FAN1: variants seen among roughly 807,000 people sequenced by gnomAD.
FAN1 encodes the protein fanconi-associated nuclease 1.
In FAN1, 91 loss-of-function variants were observed where a neutral mutation model predicts 104.9. That is an observed-to-expected ratio of 0.87 (90% CI 0.73 to 1.03). The LOEUF (loss-of-function observed/expected upper bound fraction) is 1.03. Ranked by LOEUF, FAN1 falls within the 50% of genes least tolerant of loss-of-function variation. The pLI, the probability that FAN1 is intolerant of heterozygous loss-of-function variation, is 0.00. For missense variants in FAN1, 1,263 were observed against 1,239.9 expected (o/e 1.02, Z -0.28); for synonymous variants, 478 against 457.6 (o/e 1.04, Z -0.57).
chr15:30,928,351 A>C, intron 10 of FAN1: 3 of 1,319,118 alleles, frequency 2.3e-6, no homozygotes, highest in East Asian at 6.0e-5. Context: ...TTTGCCCTTA[A>C]GGCTCTGTAT....
At chr15:30,915,314 A>G (rs1452859667) in intron 5 of FAN1, among the ~76,000 whole-genome samples, 1 of 152,208 alleles carries the variant, frequency 6.6e-6, no homozygotes. Context: ...GAAGGGGGAT[A>G]GGGAAAGGTT....
rs923889353 is a variant in FAN1 at position 30,939,300 on chromosome 15, G to A, written c.*3+2041G>A. The stretch of plus-strand genomic sequence containing the variant: ...ACTAGAAATTTCACCCAGTGCATCA[G>A]CATCTGTGCGGCATTCCCTCAGCAC... On this transcript the variant is annotated intron_variant, in intron 14 of 14. Transcript: ENST00000362065. 3 of 985,332 alleles carry A rather than the reference G, an allele frequency of 3.0e-6. No individual in the cohort carries two copies. The African/African-American group carries it at 5.2e-5, about 17-fold the overall frequency. 61.0% of individuals were successfully genotyped at this position (985,332 alleles called of 1,614,324 possible). A position where few individuals can be genotyped will look rare whatever the true frequency, so the allele number is the denominator to read the frequency against.
intron 2 of FAN1, 60 bp from the exon 3 acceptor site, chr15:30,908,058 C>CTAAAGGTACATTTAA: frequency 7.2e-7 from 1 of 1,393,170 alleles, no homozygotes; most frequent in Non-Finnish European, 9.8e-7. Context: ...TACATTTATT[C>CTAAAGGTACATTTAA]ACCTTAGGTT....
intron 7 of FAN1, among the ~76,000 whole-genome samples, chr15:30,920,928 C>T (rs564725586): frequency 2.6e-5 from 4 of 152,282 alleles, no homozygotes; most frequent in African/African-American, 4.8e-5. Flanking sequence ...GGACTACAGG[C>T]GTGCGCCACC....
Position 30,925,304 on chromosome 15 carries a change from C to G in FAN1, c.2337+13C>G. 1 of 1,610,536 alleles carries G rather than the reference C, an allele frequency of 6.2e-7. No individual in the cohort carries two copies. The highest frequency in any genetic ancestry group is 8.5e-7 in the Non-Finnish European group (1 of 1,177,762). ...AGATGTGAAACACGTGAGGAAAGAG[C>G]CTGTGGGTGCTTTGGACTTAGGCGC... On this transcript the variant is annotated intron_variant, in intron 9 of 14. Coordinates refer to ENST00000362065, the MANE Select transcript of FAN1 (RefSeq NM_014967.5).
At chr15:30,918,453 G>A (rs1326645950) in intron 6 of FAN1, among the ~76,000 whole-genome samples, 158 bp downstream of exon 6, 1 of 152,196 alleles carries the variant, frequency 6.6e-6, no homozygotes, top group East Asian at 1.9e-4. Context: ...GAATGAAAGT[G>A]CTGTGTGAAA....
chr15:30,926,890 G>C, intron 10 of FAN1: 1 of 985,450 alleles, frequency 1.0e-6, no homozygotes, highest in Non-Finnish European at 1.2e-6. Flanking sequence ...AACTCTGGCT[G>C]CCAGGCTTTA....
chr15:30,928,153 C>T lies in FAN1; in HGVS notation c.2489-400C>T, dbSNP rs189270131. ...TCTTCAGGGGTGGCCCAGGGACCTC[C>T]GGCATCAGGGCCTGCATGGGGATTC... On this transcript the variant is annotated intron_variant, in intron 10 of 14. Coordinates refer to ENST00000362065, the MANE Select transcript of FAN1 (RefSeq NM_014967.5). The T allele has an allele frequency of 4.1e-5, 42 of 1,013,818 alleles. No individual in the cohort carries two copies. The East Asian group carries it at 2.0e-3, about 49-fold the overall frequency. The allele number at this position is 1,013,818 out of a possible 1,614,324, so 62.8% of individuals were successfully genotyped here.
At chr15:30,928,426 A>G in intron 10 of FAN1, 127 bp from the exon 11 acceptor site, 1 of 1,506,594 alleles carries the variant, frequency 6.6e-7, no homozygotes, top group South Asian at 1.3e-5. Context: ...TTCTGAATCT[A>G]AAATATTTCT....
chr15:30,941,884 G>A lies in FAN1; in HGVS notation c.*322G>A, dbSNP rs937444793. ...CACGTGGCAGAATAACACCGTGCAG[G>A]TTGGCGGGTTTGGAAAACCATTCTC... On this transcript the variant is annotated 3_prime_UTR_variant, in exon 15 of 15. Transcript: ENST00000362065. 4 of 1,613,928 alleles carry A rather than the reference G, an allele frequency of 2.5e-6. No homozygotes were observed. The Middle Eastern group carries it at 4.9e-4, about 199-fold the overall frequency.
intron 14 of FAN1, chr15:30,939,423 G>A (rs1012303358): frequency 1.0e-6 from 1 of 985,314 alleles, no homozygotes; most frequent in South Asian, 4.7e-5. Flanking sequence ...GACGGCAGAG[G>A]TGGTATAAGC....
chr15:30,920,466 TCTG>T (rs1446966909), intron 6 of FAN1, 76 bp from the exon 7 acceptor site: 2 of 906,358 alleles, frequency 2.2e-6, no homozygotes, highest in African/African-American at 3.4e-5. Flanking sequence ...AGGAATTCAG[TCTG>T]CTTTGTCACT....
At chr15:30,906,455 T>A in intron 2 of FAN1, 2 of 456,742 alleles carry the variant, frequency 4.4e-6, no homozygotes, top group Non-Finnish European at 8.8e-6. Context: ...AATACTAGTC[T>A]ATGCCTGAAG....
intron 13 of FAN1, among the ~76,000 whole-genome samples, chr15:30,935,121 A>G (rs2140966709): frequency 6.6e-6 from 1 of 152,080 alleles, no homozygotes; most frequent in Non-Finnish European, 1.5e-5. Flanking sequence ...GCTTGGGCAA[A>G]CACAGTGAGA....
At chr15:30,927,130 C>A (rs959616645) in intron 10 of FAN1, 2 of 911,866 alleles carry the variant, frequency 2.2e-6, no homozygotes, top group African/African-American at 3.6e-5. Context: ...GATCTCTTGA[C>A]CCCAGGAGGT....
intron 14 of FAN1, chr15:30,939,977 C>T (rs2062983472): frequency 1.0e-6 from 1 of 981,358 alleles, no homozygotes; most frequent in Non-Finnish European, 1.2e-6. Context: ...GAGACATTAT[C>T]AAATTTTAAA....
chr15:30,914,185 T>G, intron 5 of FAN1, 94 bp downstream of exon 5: 2 of 871,768 alleles, frequency 2.3e-6, no homozygotes, highest in Non-Finnish European at 3.6e-6. Flanking sequence ...GTAGAAACAT[T>G]AAGTCCACAG....
chr15:30,943,044 A>G lies in FAN1; in HGVS notation c.*1482A>G, dbSNP rs2063105395. 6.5e-7 allele frequency: 1 copy of G among 1,538,326 alleles called. No individual in the cohort carries two copies. The highest frequency in any genetic ancestry group is 2.4e-5 in the East Asian group (1 of 40,904). ...GAATTTTAAGCCCTTCTCATCACCC[A>G]ATTGGATGTTTTTGCTTATAGCAAA... On this transcript the variant is annotated 3_prime_UTR_variant, in exon 15 of 15. Transcript: ENST00000362065.
chr15:30,928,770 T>C, intron 11 of FAN1, 114 bp downstream of exon 11: 1 of 1,549,640 alleles, frequency 6.5e-7, no homozygotes. Context: ...TACGGTCCTT[T>C]GGGTCATCCA....
Sources: gnomAD v4.1 joint callset for allele counts (sites outside exome capture counted in the v4.1 genomes callset) on GRCh38, gnomAD v4.1.1 for gene constraint, MANE v1.5 for transcripts, NCBI Gene and HGNC (gene_info 2026-07-23, HGNC 2026-07-21) for gene names.